The following TMC7 variants were observed in gnomAD, a reference collection of about 807,000 sequenced individuals.
TMC7 encodes the protein transmembrane channel-like protein 7.
A neutral mutation model predicts 82.9 loss-of-function variants in TMC7; 54 were observed. The ratio of observed to expected loss-of-function variants is 0.65; its 90% CI spans 0.52 to 0.82. The LOEUF is 0.82. Among genes scored for constraint, TMC7 ranks in the 40% least tolerant of loss-of-function variants. The pLI is 0.00. For synonymous variants in TMC7, 350 were observed against 337.9 expected, an observed-to-expected ratio of 1.04 and a Z score of -0.39; for missense variants, 820 against 901.2, an observed-to-expected ratio of 0.91 and a Z score of 1.15.
At chr16:19,009,649 T>C (rs900092773) in intron 2 of TMC7, among the ~76,000 whole-genome samples, 2 of 151,942 alleles carry the variant, frequency 1.3e-5, no homozygotes, top group African/African-American at 4.8e-5. Flanking sequence ...ACATGTTAGT[T>C]TCTTTCCAGG....
chr16:19,052,843 G>C (rs1040693964), intron 13 of TMC7, among the ~76,000 whole-genome samples: 6 of 151,990 alleles, frequency 3.9e-5, no homozygotes, highest in African/African-American at 1.5e-4. Flanking sequence ...CTCCCAAGTA[G>C]CTGGGATTAC....
intron 11 of TMC7, among the ~76,000 whole-genome samples, chr16:19,046,370 A>G (rs900484267): frequency 1.3e-5 from 2 of 152,242 alleles, no homozygotes; most frequent in African/African-American, 4.8e-5. Context: ...TGCAGATAAA[A>G]GCACTGAGAA....
chr16:19,039,923 C>T (rs1250917531), intron 8 of TMC7, among the ~76,000 whole-genome samples: 1 of 151,902 alleles, frequency 6.6e-6, no homozygotes, highest in African/African-American at 2.4e-5. Context: ...TGAGACCAGC[C>T]TGACCAACAT....
chr16:19,012,443 ACT>A (rs1273671359), intron 2 of TMC7, among the ~76,000 whole-genome samples: 1 of 151,952 alleles, frequency 6.6e-6, no homozygotes, highest in African/African-American at 2.4e-5. Context: ...AAACTAACAG[ACT>A]CTCATGAGCA....
intron 1 of TMC7, among the ~76,000 whole-genome samples, chr16:18,991,176 T>C (rs1029163528): frequency 3.3e-5 from 5 of 152,228 alleles, no homozygotes; most frequent in African/African-American, 1.2e-4. Context: ...GGGCTGATAT[T>C]GTGGGGTTGT....
At chr16:19,038,084 A>G in intron 8 of TMC7, 37 bp downstream of exon 8, 1 of 1,582,972 alleles carries the variant, frequency 6.3e-7, no homozygotes, top group Non-Finnish European at 8.6e-7. Flanking sequence ...CATTATGCCT[A>G]GTGCACTGAA....
chr16:19,048,019 G>A (rs1227326379), intron 12 of TMC7, among the ~76,000 whole-genome samples: 1 of 151,728 alleles, frequency 6.6e-6, no homozygotes, highest in Non-Finnish European at 1.5e-5. Context: ...GAATTTTTAT[G>A]TTTTTATAAT....
intron 1 of TMC7, among the ~76,000 whole-genome samples, chr16:18,996,329 G>A (rs879411463): frequency 1.3e-5 from 2 of 152,146 alleles, no homozygotes; most frequent in Admixed American, 1.3e-4. Context: ...AGTCGCATTG[G>A]GAGCAGAGAC....
chr16:18,986,018 A>C (rs539602197), intron 1 of TMC7, among the ~76,000 whole-genome samples: 2 of 145,082 alleles, frequency 1.4e-5, no homozygotes, highest in Admixed American at 1.4e-4. Context: ...GGGTGACAGA[A>C]CTAGACCCTG....
chr16:19,022,956 G>C (rs1960049884), intron 4 of TMC7, among the ~76,000 whole-genome samples, 157 bp from the exon 5 acceptor site: 1 of 152,120 alleles, frequency 6.6e-6, no homozygotes, highest in Non-Finnish European at 1.5e-5. Context: ...GGAGGCAGAG[G>C]CTTCAGTGAG....
intron 1 of TMC7, among the ~76,000 whole-genome samples, chr16:18,988,408 G>A (rs1231418938): frequency 1.3e-5 from 2 of 151,950 alleles, no homozygotes; most frequent in Non-Finnish European, 2.9e-5. Flanking sequence ...ACCCACCTTG[G>A]CCTCCCAAAG....
intron 15 of TMC7, among the ~76,000 whole-genome samples, chr16:19,060,441 G>A (rs1053020485): frequency 6.6e-6 from 1 of 152,180 alleles, no homozygotes; most frequent in African/African-American, 2.4e-5. Flanking sequence ...CTGGGCTCAA[G>A]TGATTGTCCC....
chr16:19,037,146 A>C (rs1960784230), intron 7 of TMC7, among the ~76,000 whole-genome samples: 1 of 152,094 alleles, frequency 6.6e-6, no homozygotes, highest in South Asian at 2.1e-4. Context: ...CCTGTAATCC[A>C]GCACTTTGGG....
intron 6 of TMC7, among the ~76,000 whole-genome samples, chr16:19,033,276 A>G (rs977357180): frequency 2.0e-5 from 3 of 152,178 alleles, no homozygotes; most frequent in Admixed American, 6.6e-5. Context: ...TGAAGTTAAA[A>G]TTATCATCAT....
chr16:19,011,480 A>G (rs2142178279), intron 2 of TMC7, among the ~76,000 whole-genome samples: 1 of 151,412 alleles, frequency 6.6e-6, no homozygotes, highest in Admixed American at 6.6e-5. Flanking sequence ...ACCAGCCTGG[A>G]CAGCATAGCA....
intron 12 of TMC7, 113 bp downstream of exon 12, chr16:19,047,362 C>A: frequency 2.3e-6 from 2 of 882,704 alleles, no homozygotes; most frequent in Non-Finnish European, 3.4e-6. Context: ...AAATTACATC[C>A]TTTATTTAAA....
intron 5 of TMC7, among the ~76,000 whole-genome samples, chr16:19,028,482 C>T (rs377417983): frequency 6.6e-5 from 10 of 152,090 alleles, no homozygotes; most frequent in African/African-American, 1.7e-4. Context: ...GGGTGTGTTG[C>T]GATTCCATAT....
At chr16:19,042,305 G>T (rs1273558450) in intron 9 of TMC7, among the ~76,000 whole-genome samples, 1 of 151,850 alleles carries the variant, frequency 6.6e-6, no homozygotes, top group Non-Finnish European at 1.5e-5. Context: ...CTCTCGAGTA[G>T]CTGGGACTAC....
At chr16:19,036,619 G>A (rs150212888) in intron 7 of TMC7, among the ~76,000 whole-genome samples, 38 of 152,272 alleles carry the variant, frequency 2.5e-4, no homozygotes, top group African/African-American at 8.9e-4. Context: ...GGGAGTCTGA[G>A]GCAAGAGAAT....
Sources: gnomAD v4.1 joint callset for allele counts (sites outside exome capture counted in the v4.1 genomes callset) on GRCh38, gnomAD v4.1.1 for gene constraint, MANE v1.5 for transcripts, NCBI Gene and HGNC (gene_info 2026-07-23, HGNC 2026-07-21) for gene names.